KLHL32: variants seen among roughly 807,000 people sequenced by gnomAD.
The protein encoded by KLHL32 is kelch like family member 32.
A neutral mutation model predicts 64.8 loss-of-function variants in KLHL32; 35 were observed. The observed-to-expected ratio is 0.54, with a 90% CI of 0.41 to 0.72. The LOEUF is 0.72. Among genes scored for constraint, KLHL32 ranks in the 30% least tolerant of loss-of-function variants. KLHL32 has a pLI of 0.00. For missense variants in KLHL32, 589 were observed against 768.5 expected, an observed-to-expected ratio of 0.77 and a Z score of 2.76; for synonymous variants, 259 against 281.0, an observed-to-expected ratio of 0.92 and a Z score of 0.78.
At chr6:97,072,832 G>A (rs1474785631) in intron 5 of KLHL32, among the ~76,000 whole-genome samples, 1 of 152,070 alleles carries the variant, frequency 6.6e-6, no homozygotes, top group East Asian at 1.9e-4. Context: ...TCTTCTGGGA[G>A]GCCATATTGT....
chr6:97,094,285 TA>T (rs2128188812), intron 6 of KLHL32, among the ~76,000 whole-genome samples: 1 of 152,252 alleles, frequency 6.6e-6, no homozygotes, highest in African/African-American at 2.4e-5. Flanking sequence ...TAAATTTACT[TA>T]TAAAGTGACC....
chr6:97,096,944 T>G (rs768306447), intron 6 of KLHL32, among the ~76,000 whole-genome samples: 8 of 152,156 alleles, frequency 5.3e-5, no homozygotes, highest in Non-Finnish European at 1.0e-4. Context: ...CACTGAGAGG[T>G]TAGGTCATTG....
intron 3 of KLHL32, among the ~76,000 whole-genome samples, chr6:97,039,912 T>C (rs532439164): frequency 1.3e-5 from 2 of 152,150 alleles, no homozygotes; most frequent in African/African-American, 2.4e-5. Flanking sequence ...AAAGAAAAGA[T>C]ATTTTAAGGT....
chr6:96,913,639 A>G, the KLHL32 span, among the ~76,000 whole-genome samples: 1 of 152,204 alleles, frequency 6.6e-6, no homozygotes, highest in African/African-American at 2.4e-5. Flanking sequence ...CTTTACTTTC[A>G]TGAATAAGAA....
At chr6:97,038,247 G>A (rs1784582733) in intron 3 of KLHL32, among the ~76,000 whole-genome samples, 1 of 151,846 alleles carries the variant, frequency 6.6e-6, no homozygotes, top group Admixed American at 6.6e-5. Flanking sequence ...CCCACAGAAT[G>A]GGGACAAATA....
intron 3 of KLHL32, among the ~76,000 whole-genome samples, chr6:97,011,831 A>G (rs1222325632): frequency 6.6e-6 from 1 of 152,142 alleles, no homozygotes; most frequent in East Asian, 1.9e-4. Flanking sequence ...AAGCTGCAAA[A>G]CCTAAACATG....
At chr6:96,967,527 C>A (rs2128034094) in intron 2 of KLHL32, among the ~76,000 whole-genome samples, 1 of 150,242 alleles carries the variant, frequency 6.7e-6, no homozygotes, top group South Asian at 2.1e-4. Flanking sequence ...AGAGGGAGAG[C>A]CCTCTCTAAG....
At position 97,128,522 on chromosome 6, in the gene KLHL32, G is replaced by T. The variant is rs184293185; in HGVS notation, c.1413+1060G>T. On this transcript the variant is annotated intron_variant, in intron 8 of 10. Transcript: ENST00000369261. ...AAAATTCTGCTGGCATATTGTTTACGGTGGGTACTGGCAAACATCACATCT... is the reference window on the plus strand; with the variant it reads ...AAAATTCTGCTGGCATATTGTTTACTGTGGGTACTGGCAAACATCACATCT... Among the ~76,000 whole-genome samples the T allele has an allele frequency of 5.3e-5, 8 of 152,274 alleles. No homozygotes were observed. In the East Asian group the frequency reaches 1.5e-3, roughly 29 times the overall value.
intron 3 of KLHL32, among the ~76,000 whole-genome samples, chr6:97,031,854 G>C (rs1445435401): frequency 6.6e-6 from 1 of 152,202 alleles, no homozygotes. Context: ...CAGTTGAGTG[G>C]AGGGTGCTGT....
Position 96,925,095 on chromosome 6 carries a change from G to T in KLHL32, c.-66+69G>T, listed in dbSNP as rs117269521. 7.0e-3 allele frequency: 1,066 copies of T among 152,512 alleles called. 5 individuals are homozygous for T. Among genetic ancestry groups the T allele is most frequent in the Non-Finnish European group, 0.011 (716 of 68,170 alleles). The allele number at this position is 152,512 out of a possible 1,614,324, so 9.4% of individuals were successfully genotyped here. A position where few individuals can be genotyped will look rare whatever the true frequency, so the allele number is the denominator to read the frequency against. ...GAAGAGGGTGGGAGGCTGCTGGTGCGCCAAGTGGGGGCAGACCCGGAGTTG... is the reference window on the plus strand; with the variant it reads ...GAAGAGGGTGGGAGGCTGCTGGTGCTCCAAGTGGGGGCAGACCCGGAGTTG... On this transcript the variant is annotated intron_variant, in intron 1 of 10. Coordinates refer to ENST00000369261, the MANE Select transcript of KLHL32 (RefSeq NM_052904.4).
At chr6:97,036,564 G>T (rs918520372) in intron 3 of KLHL32, among the ~76,000 whole-genome samples, 1 of 152,150 alleles carries the variant, frequency 6.6e-6, no homozygotes, top group African/African-American at 2.4e-5. Flanking sequence ...GATGGGTGGG[G>T]TGTGTGGTGG....
chr6:97,064,038 A>G (rs1378173328), intron 4 of KLHL32, among the ~76,000 whole-genome samples: 1 of 152,202 alleles, frequency 6.6e-6, no homozygotes, highest in Non-Finnish European at 1.5e-5. Flanking sequence ...TGAAAATGCT[A>G]GTTGAACCTC....
the KLHL32 span, among the ~76,000 whole-genome samples, chr6:96,898,483 T>G: frequency 6.6e-6 from 1 of 152,206 alleles, no homozygotes; most frequent in Non-Finnish European, 1.5e-5. Flanking sequence ...CACTGTATTC[T>G]TTTTCCATTA....
At chr6:96,969,736 G>T (rs971023131) in intron 2 of KLHL32, among the ~76,000 whole-genome samples, 3 of 152,138 alleles carry the variant, frequency 2.0e-5, no homozygotes, top group Admixed American at 6.5e-5. Context: ...TTTGAGTGTT[G>T]CTTGTTTCTC....
intron 2 of KLHL32, among the ~76,000 whole-genome samples, chr6:96,972,716 G>A (rs978562167): frequency 2.0e-5 from 3 of 152,170 alleles, no homozygotes; most frequent in African/African-American, 7.2e-5. Context: ...TCAAAAAATT[G>A]AGGGACATTG....
At chr6:97,052,976 G>T (rs1293422422) in intron 4 of KLHL32, among the ~76,000 whole-genome samples, 1 of 152,002 alleles carries the variant, frequency 6.6e-6, no homozygotes, top group Admixed American at 6.6e-5. Context: ...AATCTCCTTA[G>T]TATTTTCACC....
rs192462321 is a variant in KLHL32 at position 96,951,744 on chromosome 6, T to A, written c.-65-15252T>A. Among the ~76,000 whole-genome samples, 260 of 152,348 alleles carry A rather than the reference T, an allele frequency of 1.7e-3. 1 individual carries two copies. Among genetic ancestry groups the A allele is most frequent in the African/African-American group, 6.1e-3 (253 of 41,580 alleles). On this transcript the variant is annotated intron_variant, in intron 1 of 10. Coordinates refer to ENST00000369261, the MANE Select transcript of KLHL32 (RefSeq NM_052904.4). The stretch of plus-strand genomic sequence containing the variant: ...TACCTTGTGAGATAAGTTTTATATA[T>A]TTTTTAAATTTAGCTTTTATTTTTA...
chr6:96,932,574 C>T (rs543685078), intron 1 of KLHL32, among the ~76,000 whole-genome samples: 5 of 133,986 alleles, frequency 3.7e-5, no homozygotes, highest in South Asian at 2.8e-4. Context: ...TCCCCCCCCC[C>T]CTTTTTTTTT....
chr6:97,029,943 G>A (rs915737685), intron 3 of KLHL32, among the ~76,000 whole-genome samples: 1 of 152,198 alleles, frequency 6.6e-6, no homozygotes, highest in Non-Finnish European at 1.5e-5. Context: ...GATGTAAGAT[G>A]TAATGGATCT....
Sources: gnomAD v4.1 joint callset for allele counts (sites outside exome capture counted in the v4.1 genomes callset) on GRCh38, gnomAD v4.1.1 for gene constraint, MANE v1.5 for transcripts, NCBI Gene and HGNC (gene_info 2026-07-23, HGNC 2026-07-21) for gene names.